Variants in RBFOX1 observed in about 807,000 individuals in gnomAD.
RBFOX1 encodes RNA binding fox-1 homolog 1, also known as RNA binding protein fox-1 homolog 1.
Under a neutral mutation model 57.7 loss-of-function variants are expected in RBFOX1, and 8 were observed. The ratio of observed to expected loss-of-function variants is 0.14; its 90% CI spans 0.08 to 0.25. The LOEUF (loss-of-function observed/expected upper bound fraction) is 0.25. Ranked by LOEUF, RBFOX1 falls within the 10% of genes least tolerant of loss-of-function variation. RBFOX1 has a pLI of 1.00. For synonymous variants in RBFOX1, 326 were observed against 222.4 expected (o/e 1.47, Z -4.15); for missense variants, 611 against 548.5 (o/e 1.11, Z -1.14).
chr16:6,253,665 G>A (rs2097640565), intron 1 of RBFOX1, among the ~76,000 whole-genome samples: 1 of 122,168 alleles, frequency 8.2e-6, no homozygotes, highest in Non-Finnish European at 1.7e-5. Flanking sequence ...ATAGATGTGT[G>A]TGTGTGTGCA....
intron 2 of RBFOX1, among the ~76,000 whole-genome samples, chr16:6,653,213 C>T (rs752169276): frequency 6.6e-6 from 1 of 152,118 alleles, no homozygotes; most frequent in Non-Finnish European, 1.5e-5. Flanking sequence ...CATCGTATTC[C>T]CCTACCCTCA....
intron 4 of RBFOX1, among the ~76,000 whole-genome samples, chr16:5,936,374 T>G (rs2059169343): frequency 1.3e-5 from 2 of 152,198 alleles, no homozygotes; most frequent in South Asian, 4.1e-4. Context: ...TCCACCTACC[T>G]TAGCCTCCCA....
rs1054927730 is a variant in RBFOX1, at chr16:7,114,605, C to G, written c.27+62507C>G. ...TCCTCTAGCCCAAGATCTTTCTCTT[C>G]TGTCATTTGAATGTTTCTGAAACGC... On this transcript the variant is annotated intron_variant, in intron 4 of 15. Coordinates refer to ENST00000550418, the MANE Select transcript of RBFOX1 (RefSeq NM_018723.4). Among the ~76,000 whole-genome samples the G allele has an allele frequency of 2.6e-5, 4 of 152,210 alleles. No individual in the cohort carries two copies. The East Asian group carries it at 5.8e-4, about 22-fold the overall frequency.
chr16:5,608,686 G>C (rs1173301898), intron 3 of RBFOX1, among the ~76,000 whole-genome samples: 1 of 152,188 alleles, frequency 6.6e-6, no homozygotes, highest in African/African-American at 2.4e-5. Flanking sequence ...TCTGTTACAA[G>C]GCTGCAAGCC....
intron 3 of RBFOX1, among the ~76,000 whole-genome samples, chr16:5,786,349 C>G (rs2054500044): frequency 6.6e-6 from 1 of 152,168 alleles, no homozygotes; most frequent in African/African-American, 2.4e-5. Flanking sequence ...CCAGCTGTCC[C>G]TTGATAACGT....
intron 2 of RBFOX1, among the ~76,000 whole-genome samples, chr16:6,351,975 C>G (rs2086485336): frequency 6.6e-6 from 1 of 152,156 alleles, no homozygotes; most frequent in Non-Finnish European, 1.5e-5. Context: ...CACTGCAGAA[C>G]CAGCATTTGA....
rs1215116423 is a variant in RBFOX1, at chr16:7,244,955, G to C, written c.27+192857G>C. 2.0e-5 allele frequency among the ~76,000 whole-genome samples: 3 copies of C among 152,174 alleles called. No homozygotes were observed. In the East Asian group the frequency reaches 5.8e-4, roughly 29 times the overall value. Reference sequence around the variant, plus strand: ...TCAGAGGCACAGTAGGGAGCAGTGGGGATTGTGGCAAAGTGAGGAACTCAT... The same window carrying C: ...TCAGAGGCACAGTAGGGAGCAGTGGCGATTGTGGCAAAGTGAGGAACTCAT... On this transcript the variant is annotated intron_variant, in intron 4 of 15. Coordinates refer to ENST00000550418, the MANE Select transcript of RBFOX1 (RefSeq NM_018723.4).
intron 1 of RBFOX1, among the ~76,000 whole-genome samples, chr16:5,422,781 G>C (rs1184034867): frequency 7.1e-6 from 1 of 140,530 alleles, no homozygotes; most frequent in African/African-American, 2.7e-5. Context: ...GAGGGAGAAG[G>C]GAGAGGGAGT....
intron 4 of RBFOX1, among the ~76,000 whole-genome samples, chr16:7,091,842 C>T (rs541598941): frequency 5.3e-5 from 8 of 152,310 alleles, no homozygotes; most frequent in East Asian, 1.9e-4. Context: ...TTTGTAGATT[C>T]TATGTGGATC....
At chr16:6,404,798 A>G (rs550794477) in intron 2 of RBFOX1, among the ~76,000 whole-genome samples, 1 of 152,260 alleles carries the variant, frequency 6.6e-6, no homozygotes, top group South Asian at 2.1e-4. Context: ...TCTCATCAGA[A>G]TCCAGCAATG....
intron 4 of RBFOX1, among the ~76,000 whole-genome samples, chr16:7,297,201 A>G (rs1484356543): frequency 6.6e-6 from 1 of 152,222 alleles, no homozygotes; most frequent in Admixed American, 6.5e-5. Context: ...GGAACAAAAA[A>G]GGACAAACTT....
At chr16:5,595,123 G>A (rs1205964892) in intron 2 of RBFOX1, among the ~76,000 whole-genome samples, 1 of 152,072 alleles carries the variant, frequency 6.6e-6, no homozygotes, top group Non-Finnish European at 1.5e-5. Context: ...TCTAGCCTGG[G>A]TGTCAGAGCA....
chr16:7,338,828 C>G (rs530390503), intron 4 of RBFOX1, among the ~76,000 whole-genome samples: 1 of 152,154 alleles, frequency 6.6e-6, no homozygotes, highest in Non-Finnish European at 1.5e-5. Flanking sequence ...ACTTGAAAAA[C>G]AACAGCTTGT....
intron 3 of RBFOX1, among the ~76,000 whole-genome samples, chr16:5,777,971 C>G (rs1476227777): frequency 7.9e-5 from 12 of 152,078 alleles, no homozygotes; most frequent in Non-Finnish European, 1.5e-5. Flanking sequence ...TGGTCACGTC[C>G]TCATTTTGCA....
At chr16:6,942,295 G>GT (rs1224980786) in intron 3 of RBFOX1, among the ~76,000 whole-genome samples, 1 of 152,014 alleles carries the variant, frequency 6.6e-6, no homozygotes, top group African/African-American at 2.4e-5. Context: ...CAAAAAACAA[G>GT]TTGCTGAGAC....
At chr16:5,640,394 A>G (rs992742168) in intron 3 of RBFOX1, among the ~76,000 whole-genome samples, 7 of 152,118 alleles carry the variant, frequency 4.6e-5, no homozygotes, top group Non-Finnish European at 8.8e-5. Context: ...GCATGCATGC[A>G]TGCACATATA....
At chr16:5,797,354 C>T (rs1205630865) in intron 3 of RBFOX1, among the ~76,000 whole-genome samples, 2 of 152,216 alleles carry the variant, frequency 1.3e-5, no homozygotes, top group Non-Finnish European at 2.9e-5. Flanking sequence ...TGGGACCCTC[C>T]ACTTCAAGGA....
Position 5,709,855 on chromosome 16 carries a change from T to TA in RBFOX1, c.318+110894_318+110895insA, listed in dbSNP as rs2051416728. Among the ~76,000 whole-genome samples, 5 of 21,002 alleles carry TA rather than the reference T, an allele frequency of 2.4e-4. 1 individual carries two copies. The highest frequency in any genetic ancestry group is 1.4e-3 in the Admixed American group (2 of 1,422). 13.8% of individuals were successfully genotyped at this position (21,002 alleles called of 152,430 possible). On this transcript the variant is annotated intron_variant, in intron 3 of 19. Transcript: ENST00000641259. ...TATATATATATATATTTTTTTTTTT[T>TA]TTTTTTTTTTTTTTTTTTTTTTACC...
chr16:6,243,194 G>C (rs1284695865), intron 1 of RBFOX1, among the ~76,000 whole-genome samples: 2 of 151,754 alleles, frequency 1.3e-5, no homozygotes, highest in South Asian at 2.1e-4. Flanking sequence ...CTAGGAGAAA[G>C]CTTTTTCATT....
Sources: gnomAD v4.1 joint callset for allele counts (sites outside exome capture counted in the v4.1 genomes callset) on GRCh38, gnomAD v4.1.1 for gene constraint, MANE v1.5 for transcripts, NCBI Gene and HGNC (gene_info 2026-07-23, HGNC 2026-07-21) for gene names.